KAZN: variants seen among roughly 807,000 people sequenced by gnomAD.
KAZN encodes kazrin, periplakin interacting protein.
Under a neutral mutation model 87.4 loss-of-function variants are expected in KAZN, and 40 were observed. The observed-to-expected ratio is 0.46, with a 90% CI of 0.36 to 0.60. The LOEUF (loss-of-function observed/expected upper bound fraction) is 0.60, where lower values mean the gene tolerates loss of function less well. KAZN is among the 20% of genes least tolerant of loss of function. The pLI is 0.00. For synonymous variants in KAZN, 466 were observed against 458.3 expected (o/e 1.02, Z -0.22); for missense variants, 898 against 1,073.9 (o/e 0.84, Z 2.29).
chr1:14,406,182 G>A (rs1034373159), intron 2 of KAZN, among the ~76,000 whole-genome samples: 4 of 152,142 alleles, frequency 2.6e-5, no homozygotes, highest in East Asian at 3.9e-4. Context: ...TTCACATTGC[G>A]TGCCCGTCTC....
At chr1:14,110,841 T>C (rs1644486831) in intron 1 of KAZN, among the ~76,000 whole-genome samples, 1 of 135,386 alleles carries the variant, frequency 7.4e-6, no homozygotes, top group South Asian at 2.5e-4. Flanking sequence ...CATGTTAAGA[T>C]GACAATGACG....
chr1:14,115,673 A>C (rs1644601225), intron 1 of KAZN, among the ~76,000 whole-genome samples: 1 of 152,200 alleles, frequency 6.6e-6, no homozygotes. Flanking sequence ...GCCACTGAAA[A>C]AATACCCGAA....
intron 1 of KAZN, among the ~76,000 whole-genome samples, chr1:14,711,632 C>T (rs1642493192): frequency 6.6e-6 from 1 of 152,142 alleles, no homozygotes; most frequent in African/African-American, 2.4e-5. Context: ...TTGCTCCCGT[C>T]GATGAAGCAG....
At chr1:15,048,695 G>A (rs1255476865) in intron 4 of KAZN, among the ~76,000 whole-genome samples, 7 of 144,854 alleles carry the variant, frequency 4.8e-5, no homozygotes, top group Admixed American at 3.4e-4. Context: ...GTCCTGGGTC[G>A]TTGATCCTTG....
chr1:15,044,267 G>A, intron 4 of KAZN, 108 bp downstream of exon 4: 2 of 732,012 alleles, frequency 2.7e-6, no homozygotes, highest in Non-Finnish European at 4.0e-6. Context: ...TGGGGTGGGT[G>A]GGGCAGAGCA....
chr1:14,191,832 G>C (rs758931610), intron 2 of KAZN, among the ~76,000 whole-genome samples: 6 of 152,132 alleles, frequency 3.9e-5, no homozygotes, highest in Non-Finnish European at 7.4e-5. Context: ...CACACAGGCA[G>C]GTGATGGGTG....
intron 1 of KAZN, among the ~76,000 whole-genome samples, chr1:14,695,095 A>G (rs780981494): frequency 6.6e-6 from 1 of 152,180 alleles, no homozygotes; most frequent in Non-Finnish European, 1.5e-5. Context: ...TTAGACAGGG[A>G]GGCTTTCAGG....
chr1:14,334,804 A>G (rs1216238301), intron 2 of KAZN, among the ~76,000 whole-genome samples: 1 of 152,136 alleles, frequency 6.6e-6, no homozygotes, highest in Non-Finnish European at 1.5e-5. Context: ...GACTTCCCCC[A>G]GAGAGAGACA....
chr1:15,072,772 TC>T (rs1639569911), intron 8 of KAZN, among the ~76,000 whole-genome samples: 1 of 152,142 alleles, frequency 6.6e-6, no homozygotes, highest in Admixed American at 6.5e-5. Flanking sequence ...GCAGTCTGGC[TC>T]CAGAGTCCAT....
chr1:14,179,030 C>A (rs1318036448), intron 1 of KAZN, among the ~76,000 whole-genome samples: 2 of 152,156 alleles, frequency 1.3e-5, no homozygotes, highest in Admixed American at 1.3e-4. Flanking sequence ...AATTTATGGA[C>A]ACGTGATCTC....
At chr1:14,693,509 A>G (rs1641436211) in intron 1 of KAZN, among the ~76,000 whole-genome samples, 1 of 152,186 alleles carries the variant, frequency 6.6e-6, no homozygotes, top group African/African-American at 2.4e-5. Context: ...TGAATCTGGA[A>G]AGCATAGCAG....
At chr1:14,132,581 A>G (rs1300335975) in intron 1 of KAZN, among the ~76,000 whole-genome samples, 2 of 152,226 alleles carry the variant, frequency 1.3e-5, no homozygotes, top group Non-Finnish European at 2.9e-5. Context: ...GAAGAACAAA[A>G]TCAGGGTGCC....
At chr1:14,033,788 T>G (rs923150509) in intron 1 of KAZN, among the ~76,000 whole-genome samples, 7 of 152,212 alleles carry the variant, frequency 4.6e-5, no homozygotes, top group Non-Finnish European at 1.0e-4. Context: ...GCAAAGCAAG[T>G]GAAATGGGAA....
intron 2 of KAZN, among the ~76,000 whole-genome samples, chr1:14,558,695 C>T (rs375829844): frequency 2.0e-5 from 3 of 152,226 alleles, no homozygotes; most frequent in East Asian, 1.9e-4. Context: ...TGGGAAGGAA[C>T]GGTCTTCTGC....
chr1:14,873,038 A>G (rs1367746361), intron 1 of KAZN, among the ~76,000 whole-genome samples: 3 of 143,428 alleles, frequency 2.1e-5, no homozygotes, highest in Admixed American at 6.9e-5. Context: ...GTGGATAGAT[A>G]GATGAATCGG....
chr1:15,108,766 C>T (rs1641385532), intron 13 of KAZN, among the ~76,000 whole-genome samples: 1 of 152,182 alleles, frequency 6.6e-6, no homozygotes, highest in African/African-American at 2.4e-5. Flanking sequence ...TCTACATTGA[C>T]TCAGGAGAGT....
intron 2 of KAZN, among the ~76,000 whole-genome samples, chr1:14,487,511 TC>T (rs1669412071): frequency 6.6e-6 from 1 of 152,092 alleles, no homozygotes; most frequent in Admixed American, 6.6e-5. Flanking sequence ...CAGCTTCATA[TC>T]CACATACAAA....
chr1:15,027,583 G>A (rs1671302302), intron 2 of KAZN, among the ~76,000 whole-genome samples: 1 of 152,190 alleles, frequency 6.6e-6, no homozygotes, highest in South Asian at 2.1e-4. Flanking sequence ...GGTTTGCCAG[G>A]CTTTCTGGCC....
rs1658611284 is a variant in KAZN at position 14,922,323 on chromosome 1, A to G, written c.227-38361A>G. ...TGCAGGGGCTGGCAAGGGCATTCCT[A>G]GCTTCTCCGCTCTCGGGTGCTCAGA... On this transcript the variant is annotated intron_variant, in intron 1 of 14. Coordinates refer to ENST00000376030, the MANE Select transcript of KAZN (RefSeq NM_201628.3). Among the ~76,000 whole-genome samples, 2 of 152,068 alleles carry G rather than the reference A, an allele frequency of 1.3e-5. 1 individual carries two copies. The highest frequency in any genetic ancestry group is 4.2e-4 in the South Asian group (2 of 4,794).
Sources: allele counts gnomAD v4.1 joint callset (sites outside exome capture counted in the v4.1 genomes callset), GRCh38; gene constraint gnomAD v4.1.1; transcripts MANE v1.5; gene names NCBI Gene and HGNC (gene_info 2026-07-23, HGNC 2026-07-21).